The following DPY19L3 variants were observed in gnomAD, a reference collection of about 807,000 sequenced individuals.
DPY19L3 encodes the protein protein C-mannosyl-transferase DPY19L3.
In DPY19L3, 51 loss-of-function variants were observed where a neutral mutation model predicts 92.3. The observed-to-expected ratio is 0.55, with a 90% CI of 0.44 to 0.70. The LOEUF is 0.70. DPY19L3 is among the 30% of genes least tolerant of loss of function. DPY19L3 has a pLI of 0.00. For synonymous variants in DPY19L3, 309 were observed against 315.2 expected, an observed-to-expected ratio of 0.98 and a Z score of 0.21; for missense variants, 706 against 855.9, an observed-to-expected ratio of 0.82 and a Z score of 2.18.
chr19:32,458,096 A>G lies in DPY19L3; in HGVS notation c.1090-4A>G. 1 of 1,608,260 alleles carries G rather than the reference A, an allele frequency of 6.2e-7. No individual in the cohort carries two copies. The highest frequency in any genetic ancestry group is 8.5e-7 in the Non-Finnish European group (1 of 1,178,420). ...GCAATTTTTGTTTTCTCTTTCCCCG[A>G]TAGAAAATTCTTAACCTGAAGTCAG... is the stretch of plus-strand genomic sequence containing the variant. On this transcript the variant is annotated splice_polypyrimidine_tract_variant and splice_region_variant and intron_variant, in intron 10 of 18. Coordinates refer to ENST00000392250, the MANE Select transcript of DPY19L3 (RefSeq NM_001172774.2).
intron 10 of DPY19L3, among the ~76,000 whole-genome samples, chr19:32,456,433 AT>A (rs944135348): frequency 8.0e-5 from 12 of 149,944 alleles, no homozygotes; most frequent in Non-Finnish European, 1.6e-4. Flanking sequence ...AAATTTCTAA[AT>A]TTTTTTTGCT....
chr19:32,417,194 C>T (rs904759776), intron 3 of DPY19L3, among the ~76,000 whole-genome samples: 1 of 152,198 alleles, frequency 6.6e-6, no homozygotes, highest in African/African-American at 2.4e-5. Context: ...CAAATCTCAT[C>T]TTTAATTGTA....
chr19:32,470,733 A>G (rs1348327111), intron 16 of DPY19L3, among the ~76,000 whole-genome samples: 1 of 150,674 alleles, frequency 6.6e-6, no homozygotes, highest in Non-Finnish European at 1.5e-5. Context: ...TCCTTTTGCT[A>G]ACAGCTCGTC....
intron 3 of DPY19L3, among the ~76,000 whole-genome samples, chr19:32,426,559 A>G (rs1022529242): frequency 6.6e-6 from 1 of 152,180 alleles, no homozygotes; most frequent in Non-Finnish European, 1.5e-5. Context: ...TTGTAAAGTT[A>G]TTAATTCCGA....
At chr19:32,420,554 C>T (rs1232212392) in intron 3 of DPY19L3, among the ~76,000 whole-genome samples, 1 of 152,030 alleles carries the variant, frequency 6.6e-6, no homozygotes, top group Non-Finnish European at 1.5e-5. Flanking sequence ...AAGCGATTCT[C>T]CTGCCTCAGC....
intron 15 of DPY19L3, chr19:32,467,689 G>T (rs759965231): frequency 5.1e-5 from 50 of 987,402 alleles, no homozygotes; most frequent in Non-Finnish European, 5.5e-5. Flanking sequence ...CGTCAGTGGA[G>T]CATACATACA....
intron 12 of DPY19L3, among the ~76,000 whole-genome samples, chr19:32,458,816 A>T (rs542013981): frequency 1.4e-4 from 21 of 152,328 alleles, no homozygotes; most frequent in Admixed American, 4.6e-4. Flanking sequence ...GACTAAGAGT[A>T]CTTACTCTAC....
At chr19:32,460,088 A>C (rs1260338925) in intron 12 of DPY19L3, among the ~76,000 whole-genome samples, 1 of 152,114 alleles carries the variant, frequency 6.6e-6, no homozygotes, top group African/African-American at 2.4e-5. Context: ...TGTGTAACTA[A>C]ATATATCTAA....
chr19:32,441,225 A>G (rs1969312362), intron 8 of DPY19L3, among the ~76,000 whole-genome samples: 1 of 152,224 alleles, frequency 6.6e-6, no homozygotes, highest in Non-Finnish European at 1.5e-5. Flanking sequence ...GCTGGGCGGA[A>G]AAGATAAAAA....
At chr19:32,430,655 C>T (rs1421394974) in intron 3 of DPY19L3, among the ~76,000 whole-genome samples, 3 of 151,998 alleles carry the variant, frequency 2.0e-5, no homozygotes, top group African/African-American at 7.2e-5. Flanking sequence ...GGGTCTCGCT[C>T]TATCATCCAG....
At chr19:32,476,275 C>A (rs899296150) in intron 16 of DPY19L3, among the ~76,000 whole-genome samples, 1 of 152,104 alleles carries the variant, frequency 6.6e-6, no homozygotes, top group Non-Finnish European at 1.5e-5. Context: ...GGAGAACAGC[C>A]TGCCATGGCT....
Position 32,437,265 on chromosome 19 carries a change from C to T in DPY19L3, c.522C>T (p.Leu174=), listed in dbSNP as rs952701591. The T allele has an allele frequency of 6.2e-7, 1 of 1,614,166 alleles. No individual in the cohort carries two copies. The highest frequency in any genetic ancestry group is 8.5e-7 in the Non-Finnish European group (1 of 1,180,026). Residue 174 remains leucine, a synonymous_variant, in exon 6 of 19, where the codon CTC becomes CTT. Transcript: ENST00000392250. The part of the protein sequence containing the change: ...FGLQAIYVTA[L]YITSWLLSGT... ...TCCAGGCGATCTATGTCACAGCTCT[C>T]TACATAACCAGCTGGCTACTCAGTG...
At chr19:32,469,130 GTC>G (rs1568358082) in intron 16 of DPY19L3, 1 of 175,174 alleles carries the variant, frequency 5.7e-6, no homozygotes, top group African/African-American at 2.4e-5. Flanking sequence ...AAAATTTGAT[GTC>G]TCTGCCAATT....
At chr19:32,478,510 G>T (rs989830395) in intron 17 of DPY19L3, among the ~76,000 whole-genome samples, 5 of 152,180 alleles carry the variant, frequency 3.3e-5, no homozygotes, top group African/African-American at 1.2e-4. Flanking sequence ...ATGGTGAAAA[G>T]TGCCTCTCCC....
intron 3 of DPY19L3, among the ~76,000 whole-genome samples, chr19:32,424,592 T>C (rs1968694799): frequency 6.6e-6 from 1 of 152,040 alleles, no homozygotes; most frequent in African/African-American, 2.4e-5. Context: ...ATCATGCCGT[T>C]GTGCTCCAGC....
chr19:32,442,466 G>A (rs559154957), intron 8 of DPY19L3, among the ~76,000 whole-genome samples: 22 of 152,222 alleles, frequency 1.4e-4, no homozygotes, highest in African/African-American at 3.6e-4. Flanking sequence ...ATTTCTCCCC[G>A]TTCCTCCCCA....
chr19:32,446,796 A>G (rs1969513408), intron 8 of DPY19L3, among the ~76,000 whole-genome samples: 1 of 152,206 alleles, frequency 6.6e-6, no homozygotes, highest in African/African-American at 2.4e-5. Flanking sequence ...CTCTCTGGAC[A>G]ATTGATAGAA....
At chr19:32,442,619 C>T (rs1321870497) in intron 8 of DPY19L3, among the ~76,000 whole-genome samples, 10 of 152,092 alleles carry the variant, frequency 6.6e-5, no homozygotes, top group African/African-American at 1.7e-4. Flanking sequence ...CTTTTTGCCC[C>T]ATATATCCTT....
At chr19:32,421,411 G>A (rs961544404) in intron 3 of DPY19L3, among the ~76,000 whole-genome samples, 4 of 152,144 alleles carry the variant, frequency 2.6e-5, no homozygotes, top group African/African-American at 9.7e-5. Flanking sequence ...AGGCCGAGGT[G>A]GGCACATCAC....
Sources: allele counts gnomAD v4.1 joint callset (sites outside exome capture counted in the v4.1 genomes callset), GRCh38; gene constraint gnomAD v4.1.1; transcripts MANE v1.5; gene names NCBI Gene and HGNC (gene_info 2026-07-23, HGNC 2026-07-21).